The following OSBPL10 variants were observed in gnomAD, a reference collection of about 807,000 sequenced individuals.
OSBPL10 encodes oxysterol binding protein like 10.
OSBPL10 carries 49 observed loss-of-function variants against 81.7 expected under a neutral mutation model. The observed-to-expected ratio is 0.60, with a 90% CI of 0.48 to 0.76. The LOEUF (loss-of-function observed/expected upper bound fraction) is 0.76, where lower values mean the gene tolerates loss of function less well. OSBPL10 is among the 30% of genes least tolerant of loss of function. The pLI, the probability that OSBPL10 is intolerant of heterozygous loss-of-function variation, is 0.00. For missense variants in OSBPL10, 923 were observed against 987.8 expected (o/e 0.93, Z 0.88); for synonymous variants, 419 against 383.6 (o/e 1.09, Z -1.08).
chr3:32,017,103 A>T (rs1699319540), intron 2 of OSBPL10, among the ~76,000 whole-genome samples: 1 of 152,212 alleles, frequency 6.6e-6, no homozygotes, highest in African/African-American at 2.4e-5. Flanking sequence ...ACGTGGGAAG[A>T]GGGCTGATCA....
At position 31,744,537 on chromosome 3, in the gene OSBPL10, C is replaced by CAAAAAAAAAAAAAAA. The variant is rs58546446; in HGVS notation, c.940+3372_940+3373insTTTTTTTTTTTTTTT. 3.2e-4 allele frequency among the ~76,000 whole-genome samples: 31 copies of CAAAAAAAAAAAAAAA among 96,270 alleles called. 1 individual carries two copies. Among genetic ancestry groups the CAAAAAAAAAAAAAAA allele is most frequent in the South Asian group, 2.0e-3 (5 of 2,470 alleles). 63.2% of individuals were successfully genotyped at this position (96,270 alleles called of 152,430 possible). On this transcript the variant is annotated intron_variant, in intron 5 of 11. Transcript: ENST00000396556. Reference sequence around the variant, plus strand: ...TGGGTGATAGAGCGAGACTCCGTCTCAAAAAAAAAAAAAAGGAAAGAAAGA... The same window carrying CAAAAAAAAAAAAAAA: ...TGGGTGATAGAGCGAGACTCCGTCTCAAAAAAAAAAAAAAAAAAAAAAAAAAAAAGGAAAGAAAGA...
At chr3:31,688,265 A>AAT (rs1415350764) in intron 7 of OSBPL10, among the ~76,000 whole-genome samples, 1 of 89,788 alleles carries the variant, frequency 1.1e-5, no homozygotes, top group Non-Finnish European at 2.2e-5. Flanking sequence ...TCCCTGCACA[A>AAT]ATCTCTCTCT....
At chr3:32,037,395 A>G (rs1699530682) in intron 2 of OSBPL10, 1 of 154,956 alleles carries the variant, frequency 6.5e-6, no homozygotes, top group Admixed American at 6.5e-5. Context: ...CATGCCTGTA[A>G]TCCCAGCACT....
intron 4 of OSBPL10, among the ~76,000 whole-genome samples, chr3:31,774,499 TCTG>T (rs1045345445): frequency 3.6e-5 from 5 of 138,464 alleles, no homozygotes; most frequent in Non-Finnish European, 7.6e-5. Flanking sequence ...TCTTTTGTTT[TCTG>T]TTTTTGTTTT....
intron 2 of OSBPL10, among the ~76,000 whole-genome samples, chr3:32,000,031 T>A (rs559020421): frequency 8.0e-4 from 122 of 152,278 alleles, no homozygotes; most frequent in African/African-American, 2.8e-3. Context: ...GCCACAAAGA[T>A]AACCAAAAAG....
At position 31,761,596 on chromosome 3, in the gene OSBPL10, C is replaced by G. The variant is rs1242061468; in HGVS notation, c.730-13476G>C. On this transcript the variant is annotated intron_variant, in intron 4 of 11. Transcript: ENST00000396556. ...CTTTGGGAGGCCGAAGTGGGCGGATCACTTGAGGTCAGGAGTTTGAGACCA... is the reference window on the plus strand; with the variant it reads ...CTTTGGGAGGCCGAAGTGGGCGGATGACTTGAGGTCAGGAGTTTGAGACCA... Among the ~76,000 whole-genome samples the G allele has an allele frequency of 2.0e-5, 3 of 151,628 alleles. No individual in the cohort carries two copies. The East Asian group carries it at 5.8e-4, about 29-fold the overall frequency.
intron 4 of OSBPL10, among the ~76,000 whole-genome samples, chr3:31,778,423 G>A (rs1482102576): frequency 1.3e-5 from 2 of 152,136 alleles, no homozygotes; most frequent in Admixed American, 6.6e-5. Flanking sequence ...CTCTGAAATA[G>A]ATAGTTTCAA....
intron 1 of OSBPL10, among the ~76,000 whole-genome samples, chr3:31,974,643 C>A (rs963204368): frequency 6.6e-6 from 1 of 152,158 alleles, no homozygotes; most frequent in African/African-American, 2.4e-5. Context: ...ACACACAGAT[C>A]ACATATTACA....
At chr3:31,836,605 G>A (rs1025746129) in intron 3 of OSBPL10, among the ~76,000 whole-genome samples, 4 of 145,342 alleles carry the variant, frequency 2.8e-5, no homozygotes, top group African/African-American at 1.0e-4. Flanking sequence ...AACTGCTCTG[G>A]AATCCCTAGC....
intron 2 of OSBPL10, chr3:31,990,307 G>A: frequency 6.2e-6 from 10 of 1,614,062 alleles, no homozygotes; most frequent in Non-Finnish European, 8.5e-6. Flanking sequence ...CTTCAGTAAT[G>A]CTACAACCAT....
chr3:32,009,907 C>T (rs1245964455), intron 2 of OSBPL10, among the ~76,000 whole-genome samples: 1 of 152,174 alleles, frequency 6.6e-6, no homozygotes, highest in Non-Finnish European at 1.5e-5. Context: ...GGCCTTGAGG[C>T]TAAACTATTG....
chr3:31,990,123 A>C (rs13064905), intron 2 of OSBPL10: 371,753 of 1,613,024 alleles, frequency 0.23, 56,455 homozygotes, highest in African/African-American at 0.7. Context: ...AGGTTTGTGA[A>C]AAGGCTTTCA....
rs1468037887 is a variant in OSBPL10 at position 31,898,839 on chromosome 3, A to T, written c.282-19009T>A. Among the ~76,000 whole-genome samples the T allele has an allele frequency of 2.0e-5, 3 of 152,112 alleles. No homozygotes were observed. In the East Asian group the frequency reaches 5.8e-4, roughly 29 times the overall value. On this transcript the variant is annotated intron_variant, in intron 1 of 11. Coordinates refer to ENST00000396556, the MANE Select transcript of OSBPL10 (RefSeq NM_017784.5). ...TCTACATAAAATAATAAAGATGTTT[A>T]ACTTATGGATTCTTTTTAAGGACAG...
intron 5 of OSBPL10, among the ~76,000 whole-genome samples, chr3:31,737,757 C>T (rs975950066): frequency 1.3e-5 from 2 of 151,844 alleles, no homozygotes; most frequent in African/African-American, 2.4e-5. Flanking sequence ...TTTGGGAGGC[C>T]GAAGCAGGCA....
intron 8 of OSBPL10, among the ~76,000 whole-genome samples, chr3:31,678,999 C>T (rs1489306695): frequency 6.6e-6 from 1 of 152,104 alleles, no homozygotes; most frequent in African/African-American, 2.4e-5. Context: ...CAAAGACGTT[C>T]CAGAGCCCCA....
chr3:31,683,679 T>G lies in OSBPL10; in HGVS notation c.1681A>C (p.Ser561Arg), dbSNP rs149477321. The G allele has an allele frequency of 6.2e-7, 1 of 1,614,082 alleles. No individual in the cohort carries two copies. Among genetic ancestry groups the G allele is most frequent in the Non-Finnish European group, 8.5e-7 (1 of 1,179,946 alleles). ...LCVNTHVWTK[S>R]KFMGMSVGVS... ...CCCACGGACATGCCCATGAACTTGC[T>G]TTTGGTCCATACATGAGTGTTGACG... Residue 561 changes from serine to arginine, a missense_variant, in exon 8 of 12, where the codon AGC becomes CGC. Coordinates refer to ENST00000396556, the MANE Select transcript of OSBPL10 (RefSeq NM_017784.5).
intron 1 of OSBPL10, among the ~76,000 whole-genome samples, chr3:31,902,574 G>GT (rs914774828): frequency 5.3e-5 from 8 of 150,050 alleles, no homozygotes; most frequent in African/African-American, 2.0e-4. Context: ...TCCTGCCAGT[G>GT]TTTTTTGAGA....
intron 2 of OSBPL10, among the ~76,000 whole-genome samples, chr3:32,001,536 T>C (rs1181496637): frequency 1.3e-5 from 2 of 152,188 alleles, no homozygotes; most frequent in African/African-American, 2.4e-5. Context: ...CATTAATTAA[T>C]AGGGAAACCA....
chr3:31,738,647 C>T (rs925100482), intron 5 of OSBPL10, among the ~76,000 whole-genome samples: 2 of 152,098 alleles, frequency 1.3e-5, no homozygotes, highest in African/African-American at 2.4e-5. Flanking sequence ...CCACGAGGCA[C>T]GTACATATTA....
Sources: gnomAD v4.1 joint callset for allele counts (sites outside exome capture counted in the v4.1 genomes callset) on GRCh38, gnomAD v4.1.1 for gene constraint, MANE v1.5 for transcripts, NCBI Gene and HGNC (gene_info 2026-07-23, HGNC 2026-07-21) for gene names.